The following IMPA2 variants were observed in gnomAD, a reference collection of about 807,000 sequenced individuals.
IMPA2 encodes the protein IMP 2.
Under a neutral mutation model 35.1 loss-of-function variants are expected in IMPA2, and 32 were observed. That is an observed-to-expected ratio of 0.91 (90% CI 0.69 to 1.23). The LOEUF is 1.23. Ranked by LOEUF, IMPA2 falls within the 50% of genes most tolerant of loss-of-function variation. The pLI is 0.00. For missense variants in IMPA2, 334 were observed against 387.6 expected, an observed-to-expected ratio of 0.86 and a Z score of 1.16; for synonymous variants, 135 against 160.6, an observed-to-expected ratio of 0.84 and a Z score of 1.20.
At chr18:11,995,819 T>A (rs1906944650) in intron 1 of IMPA2, among the ~76,000 whole-genome samples, 1 of 152,124 alleles carries the variant, frequency 6.6e-6, no homozygotes. Flanking sequence ...AGTGTTCCCG[T>A]TTGGAAAAAT....
chr18:12,026,909 G>A (rs1035809125), intron 5 of IMPA2, among the ~76,000 whole-genome samples: 10 of 152,232 alleles, frequency 6.6e-5, no homozygotes, highest in African/African-American at 2.2e-4. Context: ...GGGCAGGCAG[G>A]TTGCTTTGGT....
intron 1 of IMPA2, among the ~76,000 whole-genome samples, chr18:11,989,411 G>A (rs1174326275): frequency 1.3e-5 from 2 of 152,150 alleles, no homozygotes; most frequent in African/African-American, 4.8e-5. Context: ...GGTGGGGTCA[G>A]CCTACGTGAG....
chr18:12,008,555 A>C (rs1907343340), intron 2 of IMPA2: 1 of 456,668 alleles, frequency 2.2e-6, no homozygotes, highest in African/African-American at 2.0e-5. Flanking sequence ...GGAAGGTGTA[A>C]ACAGCGGCCA....
At chr18:12,014,519 T>C (rs1598700030) in intron 5 of IMPA2, 146 bp downstream of exon 5, 1 of 561,260 alleles carries the variant, frequency 1.8e-6, no homozygotes, top group South Asian at 2.4e-5. Flanking sequence ...CCTGATGAAC[T>C]GGAAATGGAG....
At chr18:12,001,688 G>T (rs1487555998) in intron 2 of IMPA2, among the ~76,000 whole-genome samples, 1 of 152,190 alleles carries the variant, frequency 6.6e-6, no homozygotes, top group African/African-American at 2.4e-5. Flanking sequence ...GCCAGGGACC[G>T]CCAGACTCCA....
intron 1 of IMPA2, among the ~76,000 whole-genome samples, chr18:11,995,294 A>G (rs1906929236): frequency 6.6e-6 from 1 of 152,208 alleles, no homozygotes; most frequent in Non-Finnish European, 1.5e-5. Context: ...GTGAGGGGGA[A>G]TGGGACACGA....
In IMPA2 at chr18:12,030,512, T is replaced by C; in HGVS notation, c.*54T>C. On this transcript the variant is annotated 3_prime_UTR_variant, in exon 8 of 8. Coordinates refer to ENST00000269159, the MANE Select transcript of IMPA2 (RefSeq NM_014214.3). ...GCCTCCCTGGGCTGCTGTGGGCTCC[T>C]GGGGAGGTGGCCCTCGTGGCCCACG... The C allele has an allele frequency of 6.9e-7, 1 of 1,454,160 alleles. No individual in the cohort carries two copies. The highest frequency in any genetic ancestry group is 9.6e-7 in the Non-Finnish European group (1 of 1,036,412). 90.1% of individuals were successfully genotyped at this position (1,454,160 alleles called of 1,614,324 possible).
intron 1 of IMPA2, among the ~76,000 whole-genome samples, chr18:11,989,197 G>C (rs1399505787): frequency 3.3e-5 from 5 of 152,138 alleles, no homozygotes; most frequent in Admixed American, 2.0e-4. Flanking sequence ...TTTCCTCCTT[G>C]GGAGCCTCAC....
At chr18:12,007,453 T>C (rs16976934) in intron 2 of IMPA2, among the ~76,000 whole-genome samples, 9,579 of 152,244 alleles carry the variant, frequency 0.063, 1,056 homozygotes, top group African/African-American at 0.22. Flanking sequence ...CAAAAGTTCA[T>C]TGATGCCAAA....
intron 1 of IMPA2, among the ~76,000 whole-genome samples, chr18:11,989,613 C>CA: frequency 6.6e-6 from 1 of 152,292 alleles, no homozygotes; most frequent in African/African-American, 2.4e-5. Flanking sequence ...ATTTTGCTAA[C>CA]AAAAGCTGTC....
rs546535097 is a variant in IMPA2, at chr18:12,030,841, C to A, written c.*383C>A. 1 of 200,218 alleles carries A rather than the reference C, an allele frequency of 5.0e-6. No homozygotes were observed. The allele number at this position is 200,218 out of a possible 1,614,324, so 12.4% of individuals were successfully genotyped here. A position where few individuals can be genotyped will look rare whatever the true frequency, so the allele number is the denominator to read the frequency against. On this transcript the variant is annotated 3_prime_UTR_variant, in exon 8 of 8. Coordinates refer to ENST00000269159, the MANE Select transcript of IMPA2 (RefSeq NM_014214.3). Reference sequence around the variant, plus strand: ...GCGGATCGTTCTCAGGCCCTCCCCCCGGAGTACTTCAGAATGCAATAAATC... The same window carrying A: ...GCGGATCGTTCTCAGGCCCTCCCCCAGGAGTACTTCAGAATGCAATAAATC...
At chr18:11,999,849 A>G (rs1323220517) in intron 2 of IMPA2, among the ~76,000 whole-genome samples, 2 of 152,258 alleles carry the variant, frequency 1.3e-5, no homozygotes, top group Non-Finnish European at 2.9e-5. Flanking sequence ...AGCATTTTGC[A>G]TAGCATTTTA....
chr18:12,009,913 G>T lies in IMPA2; in HGVS notation c.261G>T (p.Gly87=), dbSNP rs768045146. ...RFIAEEAAAS[G]AKCVLTHSPT... is the part of the protein sequence containing the mutation. Reference sequence around the variant, plus strand: ...TTGCAGAAGAGGCCGCGGCTTCTGGGGCCAAGTGTGTGCTCACCCACAGCC... The same window carrying T: ...TTGCAGAAGAGGCCGCGGCTTCTGGTGCCAAGTGTGTGCTCACCCACAGCC... Residue 87 remains glycine (G), a synonymous_variant, in exon 3 of 8, where the codon GGG becomes GGT. Coordinates refer to ENST00000269159, the MANE Select transcript of IMPA2 (RefSeq NM_014214.3). 1.2e-6 allele frequency: 2 copies of T among 1,614,092 alleles called. No homozygotes were observed. Among genetic ancestry groups the T allele is most frequent in the Non-Finnish European group, 1.7e-6 (2 of 1,180,036 alleles).
chr18:11,997,129 A>G (rs1388381811), intron 1 of IMPA2, among the ~76,000 whole-genome samples: 1 of 152,188 alleles, frequency 6.6e-6, no homozygotes, highest in Non-Finnish European at 1.5e-5. Flanking sequence ...CATACATGAG[A>G]CAAGCTTTGT....
chr18:11,992,169 G>A (rs1334101735), intron 1 of IMPA2, among the ~76,000 whole-genome samples: 1 of 152,194 alleles, frequency 6.6e-6, no homozygotes, highest in Non-Finnish European at 1.5e-5. Context: ...AAGTATCTGC[G>A]CTCCACGTAG....
intron 1 of IMPA2, among the ~76,000 whole-genome samples, chr18:11,997,080 A>G (rs1434751853): frequency 6.6e-6 from 1 of 152,120 alleles, no homozygotes; most frequent in Non-Finnish European, 1.5e-5. Flanking sequence ...ACTTACAGGT[A>G]CACAACAGAG....
intron 1 of IMPA2, among the ~76,000 whole-genome samples, chr18:11,985,228 A>G (rs1906633326): frequency 6.6e-6 from 1 of 152,078 alleles, no homozygotes. Context: ...GAATAAGAAC[A>G]ATCACATCTA....
intron 5 of IMPA2, among the ~76,000 whole-genome samples, chr18:12,016,683 T>A (rs1907588335): frequency 6.6e-6 from 1 of 151,862 alleles, no homozygotes; most frequent in Non-Finnish European, 1.5e-5. Flanking sequence ...CCTCCCAGAG[T>A]GTTGGGCTTA....
chr18:12,030,191 T>C (rs1908007394), intron 7 of IMPA2, 152 bp from the exon 8 acceptor site: 1 of 645,148 alleles, frequency 1.6e-6, no homozygotes, highest in East Asian at 2.7e-5. Flanking sequence ...CCGAATTCAC[T>C]CCTAGACCAC....
Sources: gnomAD v4.1 joint callset for allele counts (sites outside exome capture counted in the v4.1 genomes callset) on GRCh38, gnomAD v4.1.1 for gene constraint, MANE v1.5 for transcripts, NCBI Gene and HGNC (gene_info 2026-07-23, HGNC 2026-07-21) for gene names.